MAOA: variants seen among roughly 807,000 people sequenced by gnomAD.
The protein encoded by MAOA is monoamine oxidase A.
A neutral mutation model predicts 42.0 loss-of-function variants in MAOA; 6 were observed. The observed-to-expected ratio is 0.14, with a 90% CI of 0.08 to 0.28. MAOA has a LOEUF of 0.28. Among genes scored for constraint, MAOA ranks in the 10% least tolerant of loss-of-function variants. The probability of loss-of-function intolerance (pLI) is 1.00; values close to 1 mark genes in which losing one functional copy is unlikely to be tolerated. For missense variants in MAOA, 262 were observed against 422.3 expected (o/e 0.62, Z 3.33); for synonymous variants, 140 against 154.0 (o/e 0.91, Z 0.67).
chrX:43,704,283 C>T (rs1357858577), intron 3 of MAOA, among the ~76,000 whole-genome samples: 3 of 111,374 alleles, frequency 2.7e-5, no homozygotes, highest in Non-Finnish European at 5.7e-5. Flanking sequence ...AAGGTTTATA[C>T]ACCATGACTA....
In MAOA at chrX:43,740,665, T is replaced by G. The variant is rs2033953610; in HGVS notation, c.1107-16T>G. 2.6e-6 allele frequency: 3 copies of G among 1,165,025 alleles called. No individual in the cohort carries two copies. Among genetic ancestry groups the G allele is most frequent in the Non-Finnish European group, 3.4e-6 (3 of 872,754 alleles). ...CCCTAACTTTATTTTTTTTTTTTTT[T>G]GGCTCTGTTTTATAGGAAGAAGAAA... is the stretch of plus-strand genomic sequence containing the variant. On this transcript the variant is annotated splice_polypyrimidine_tract_variant and intron_variant, in intron 10 of 14. Transcript: ENST00000338702.
intron 3 of MAOA, among the ~76,000 whole-genome samples, chrX:43,707,927 G>A (rs959077403): frequency 1.8e-5 from 2 of 111,730 alleles, no homozygotes; most frequent in Admixed American, 1.9e-4. Context: ...ACTCTCCAAC[G>A]TGCCAATCAG....
intron 3 of MAOA, among the ~76,000 whole-genome samples, chrX:43,699,727 A>C (rs1034573320): frequency 2.7e-5 from 3 of 110,848 alleles, no homozygotes; most frequent in African/African-American, 9.9e-5. Flanking sequence ...CTGAAATCAA[A>C]GGCTTTTCAC....
At chrX:43,732,419 A>G (rs1017138431) in intron 8 of MAOA, among the ~76,000 whole-genome samples, 3 of 110,927 alleles carry the variant, frequency 2.7e-5, no homozygotes, top group African/African-American at 9.8e-5. Context: ...TTCCTCATGT[A>G]TGCTAGGAGC....
chrX:43,666,998 T>TC (rs1382230361), intron 1 of MAOA, among the ~76,000 whole-genome samples: 1 of 25,555 alleles, frequency 3.9e-5, no homozygotes, highest in Non-Finnish European at 8.1e-5. Flanking sequence ...TGTCATGGGG[T>TC]GGGGGGCGGG....
intron 1 of MAOA, among the ~76,000 whole-genome samples, chrX:43,681,905 G>A (rs1413404250): frequency 1.3e-4 from 13 of 98,257 alleles, no homozygotes; most frequent in South Asian, 4.5e-4. Flanking sequence ...TCTTTGAGAC[G>A]GAGTCTTGCT....
At chrX:43,734,966 G>C (rs865961559) in intron 9 of MAOA, among the ~76,000 whole-genome samples, 2 of 112,016 alleles carry the variant, frequency 1.8e-5, no homozygotes, top group Non-Finnish European at 3.8e-5. Flanking sequence ...CATAAACCCA[G>C]AATCTAACTA....
intron 2 of MAOA, among the ~76,000 whole-genome samples, chrX:43,685,718 G>A (rs1446028948): frequency 1.8e-5 from 2 of 111,801 alleles, no homozygotes; most frequent in Admixed American, 1.9e-4. Context: ...AGAATATCAG[G>A]CCCTATCTCA....
chrX:43,742,583 A>G, intron 12 of MAOA, among the ~76,000 whole-genome samples: 1 of 112,471 alleles, frequency 8.9e-6, no homozygotes, highest in Non-Finnish European at 1.9e-5. Flanking sequence ...TATGCTTCAT[A>G]GGCATAGTGT....
chrX:43,671,799 T>C (rs1376248217), intron 1 of MAOA, among the ~76,000 whole-genome samples: 1 of 100,626 alleles, frequency 9.9e-6, no homozygotes, highest in Non-Finnish European at 2.0e-5. Context: ...TCCATTGATC[T>C]ATATCTCTGT....
rs186711827 is a variant in MAOA at position 43,663,150 on chromosome X, A to T, written c.73+6736A>T. 1.3e-4 allele frequency among the ~76,000 whole-genome samples: 14 copies of T among 109,989 alleles called. No homozygotes were observed. In the South Asian group the frequency reaches 3.9e-3, roughly 30 times the overall value. On this transcript the variant is annotated intron_variant, in intron 1 of 14. Transcript: ENST00000338702. ...CCGTCTCTTTAGCTTTCTTTCTTGG[A>T]CCCTCCTCAACGTTTTTTTCTTCTA...
intron 1 of MAOA, among the ~76,000 whole-genome samples, chrX:43,668,182 C>T (rs2033298760): frequency 1.8e-5 from 2 of 112,251 alleles, no homozygotes; most frequent in African/African-American, 6.5e-5. Context: ...CATTCTTCAA[C>T]CCAATAAGCC....
At chrX:43,676,769 ATGT>A (rs1256752793) in intron 1 of MAOA, among the ~76,000 whole-genome samples, 1 of 103,345 alleles carries the variant, frequency 9.7e-6, no homozygotes, top group African/African-American at 3.6e-5. Context: ...CATACAAAAA[ATGT>A]GTGTGTGTGT....
In MAOA at chrX:43,662,363, A is replaced by AT. The variant is rs1381971452; in HGVS notation, c.73+5961dup. Among the ~76,000 whole-genome samples, 387 of 105,791 alleles carry AT rather than the reference A, an allele frequency of 3.7e-3. 2 individuals are homozygous for AT. The highest frequency in any genetic ancestry group is 7.4e-3 in the South Asian group (19 of 2,567). The allele number at this position is 105,791 out of a possible 115,157, so 91.9% of individuals were successfully genotyped here. On this transcript the variant is annotated intron_variant, in intron 1 of 14. Coordinates refer to ENST00000338702, the MANE Select transcript of MAOA (RefSeq NM_000240.4). ...AAGAATTACATTTATTTGTGTTCTG[A>AT]TTTTTTTTTTTTGAAATCTTCATGG...
intron 2 of MAOA, among the ~76,000 whole-genome samples, chrX:43,687,234 G>A (rs754767110): frequency 1.8e-5 from 2 of 112,002 alleles, no homozygotes; most frequent in Admixed American, 9.5e-5. Context: ...GTGTCTTCAT[G>A]CTGAATTTGA....
At chrX:43,729,351 A>G (rs1336002387) in intron 6 of MAOA, among the ~76,000 whole-genome samples, 2 of 112,550 alleles carry the variant, frequency 1.8e-5, no homozygotes, top group Admixed American at 9.4e-5. Context: ...GGATACTTCT[A>G]GCCAAATTCT....
intron 9 of MAOA, among the ~76,000 whole-genome samples, chrX:43,733,189 G>A (rs1176801399): frequency 2.7e-5 from 3 of 112,041 alleles, no homozygotes; most frequent in Non-Finnish European, 5.6e-5. Flanking sequence ...GGGGTTTCTC[G>A]GTTTTATCCT....
chrX:43,729,853 G>A (rs376585207), intron 6 of MAOA, among the ~76,000 whole-genome samples: 1 of 111,207 alleles, frequency 9.0e-6, no homozygotes, highest in Non-Finnish European at 1.9e-5. Context: ...AAATCACTGC[G>A]TGGCTGCTTA....
intron 1 of MAOA, among the ~76,000 whole-genome samples, chrX:43,674,173 T>C (rs1382553932): frequency 1.8e-5 from 2 of 111,194 alleles, no homozygotes; most frequent in Non-Finnish European, 3.8e-5. Context: ...GCTCTTCTTG[T>C]TGAATTGATC....
Sources: allele counts gnomAD v4.1 joint callset (sites outside exome capture counted in the v4.1 genomes callset), GRCh38; gene constraint gnomAD v4.1.1; transcripts MANE v1.5; gene names NCBI Gene and HGNC (gene_info 2026-07-23, HGNC 2026-07-21).